RTN4RL1: variants seen among roughly 807,000 people sequenced by gnomAD.
RTN4RL1 encodes the protein reticulon-4 receptor-like 1.
RTN4RL1 carries 7 observed loss-of-function variants against 25.6 expected under a neutral mutation model. The observed-to-expected ratio is 0.27, with a 90% confidence interval of 0.16 to 0.51. The LOEUF is 0.51. RTN4RL1 is among the 20% of genes least tolerant of loss of function. The pLI is 0.97. For missense variants in RTN4RL1, 500 were observed against 615.6 expected (o/e 0.81, Z 1.99); for synonymous variants, 297 against 288.2 (o/e 1.03, Z -0.31).
chr17:1,982,144 T>C (rs1249117236), intron 1 of RTN4RL1, among the ~76,000 whole-genome samples: 2 of 148,086 alleles, frequency 1.4e-5, no homozygotes, highest in African/African-American at 2.5e-5. Flanking sequence ...TGCTAAAAAC[T>C]ACAAAAATTA....
chr17:1,997,387 T>C (rs538992567), intron 1 of RTN4RL1, among the ~76,000 whole-genome samples: 1 of 152,344 alleles, frequency 6.6e-6, no homozygotes, highest in African/African-American at 2.4e-5. Context: ...CCCGGCCAAG[T>C]ACAATATCAC....
Position 1,937,141 on chromosome 17 carries a change from G to C in RTN4RL1, c.681C>G (p.Phe227Leu). 6.2e-7 allele frequency: 1 copy of C among 1,611,572 alleles called. No homozygotes were observed. The highest frequency in any genetic ancestry group is 8.5e-7 in the Non-Finnish European group (1 of 1,179,302). The change falls in exon 2 of 2, where the codon TTC (phenylalanine) becomes TTG (leucine). Residue 227 changes from phenylalanine (F) to leucine (L), a missense_variant. Physicochemically the swap from Phe to Leu is conservative, Grantham distance 22. Coordinates refer to ENST00000331238, the MANE Select transcript of RTN4RL1 (RefSeq NM_178568.4). ...GCTCCGAGAGGCTGTTGTTGAAGAG[G>C]AAGAGGGTGGTCAGCCTGCGGAGGT... ...FHDLRRLTTL[F>L]LFNNSLSELQ...
chr17:2,008,566 T>C (rs532527877), intron 1 of RTN4RL1, among the ~76,000 whole-genome samples: 2 of 152,222 alleles, frequency 1.3e-5, no homozygotes, highest in South Asian at 4.1e-4. Context: ...AATCTGTGTT[T>C]GCTCCCTGGG....
chr17:1,995,696 C>T (rs536973863), intron 1 of RTN4RL1: 2 of 152,350 alleles, frequency 1.3e-5, no homozygotes, highest in East Asian at 3.9e-4. Context: ...CAAGATCTAC[C>T]ATCAAAGGTA....
Position 1,980,162 on chromosome 17 carries a change from C to G in RTN4RL1, c.14-42354G>C, listed in dbSNP as rs140638786. Reference sequence around the variant, plus strand: ...CACCAAAGCCTTGACCTCCCAGGCTCAGGTGATCCTCCCACCTCAGCCTCC... The same window carrying G: ...CACCAAAGCCTTGACCTCCCAGGCTGAGGTGATCCTCCCACCTCAGCCTCC... On this transcript the variant is annotated intron_variant, in intron 1 of 1. Coordinates refer to ENST00000331238, the MANE Select transcript of RTN4RL1 (RefSeq NM_178568.4). Among the ~76,000 whole-genome samples, 373 of 151,834 alleles carry G rather than the reference C, an allele frequency of 2.5e-3. 8 individuals are homozygous for G. The highest frequency in any genetic ancestry group is 8.7e-3 in the African/African-American group (359 of 41,238).
chr17:1,992,358 CAAAA>C (rs1021180493), intron 1 of RTN4RL1, among the ~76,000 whole-genome samples: 2 of 53,308 alleles, frequency 3.8e-5, no homozygotes, highest in Non-Finnish European at 8.1e-5. Context: ...GACTCTGTCT[CAAAA>C]AAAAAAAAAA....
chr17:1,986,713 T>C (rs1251865934), intron 1 of RTN4RL1, among the ~76,000 whole-genome samples: 1 of 151,562 alleles, frequency 6.6e-6, no homozygotes, highest in Non-Finnish European at 1.5e-5. Context: ...TAAATTTCTC[T>C]GGTTTTAAAC....
At chr17:1,940,530 C>T (rs894662609) in intron 1 of RTN4RL1, among the ~76,000 whole-genome samples, 53 of 152,296 alleles carry the variant, frequency 3.5e-4, no homozygotes, top group African/African-American at 1.3e-3. Context: ...CTGCCTGCCT[C>T]CATCTGCCCA....
At chr17:1,978,633 T>TGG (rs35569086) in intron 1 of RTN4RL1, among the ~76,000 whole-genome samples, 3,635 of 146,308 alleles carry the variant, frequency 0.025, 77 homozygotes, top group East Asian at 0.032. Context: ...ATCCGGAAAA[T>TGG]GGGGGGGGTG....
In RTN4RL1 at chr17:1,972,873, G is replaced by A. The variant is rs79580294; in HGVS notation, c.14-35065C>T. Among the ~76,000 whole-genome samples, 325 of 152,366 alleles carry A rather than the reference G, an allele frequency of 2.1e-3. 4 individuals are homozygous for A. Among genetic ancestry groups the A allele is most frequent in the African/African-American group, 6.3e-3 (261 of 41,580 alleles). ...CTAAATGAACCTCCAGAGGGGACCA[G>A]GCCAGAGAGAGCCTGGCTGGAGCTG... is the stretch of plus-strand genomic sequence containing the variant. On this transcript the variant is annotated intron_variant, in intron 1 of 1. Coordinates refer to ENST00000331238, the MANE Select transcript of RTN4RL1 (RefSeq NM_178568.4).
intron 1 of RTN4RL1, among the ~76,000 whole-genome samples, chr17:1,968,491 G>A (rs770200735): frequency 6.6e-6 from 1 of 152,136 alleles, no homozygotes; most frequent in South Asian, 2.1e-4. Flanking sequence ...ACTCAGCTCC[G>A]ATGGTGTCAC....
At chr17:1,955,100 A>T (rs1397809975) in intron 1 of RTN4RL1, among the ~76,000 whole-genome samples, 1 of 151,912 alleles carries the variant, frequency 6.6e-6, no homozygotes, top group Non-Finnish European at 1.5e-5. Context: ...TTCACTAGGG[A>T]CCTACCTCTC....
At chr17:2,000,556 G>A (rs564268403) in intron 1 of RTN4RL1, among the ~76,000 whole-genome samples, 9 of 151,754 alleles carry the variant, frequency 5.9e-5, no homozygotes, top group African/African-American at 1.9e-4. Flanking sequence ...ACTGATTTTC[G>A]CTTTTCTTGC....
chr17:1,937,117 C>T lies in RTN4RL1; in HGVS notation c.705G>A (p.Glu235=). The T allele has an allele frequency of 1.2e-6, 2 of 1,609,654 alleles. No individual in the cohort carries two copies. Among genetic ancestry groups the T allele is most frequent in the Non-Finnish European group, 1.7e-6 (2 of 1,178,584 alleles). Residue 235 remains glutamate, a synonymous_variant, in exon 2 of 2, where the codon GAG becomes GAA. Coordinates refer to ENST00000331238, the MANE Select transcript of RTN4RL1 (RefSeq NM_178568.4). The part of the protein sequence containing the change: ...TLFLFNNSLS[E]LQGECLAPLG... Reference sequence around the variant, plus strand: ...GCGGGGCCAGGCACTCACCCTGCAGCTCCGAGAGGCTGTTGTTGAAGAGGA... The same window carrying T: ...GCGGGGCCAGGCACTCACCCTGCAGTTCCGAGAGGCTGTTGTTGAAGAGGA...
chr17:1,961,773 C>CAAAAAAAA (rs1163170575), intron 1 of RTN4RL1, among the ~76,000 whole-genome samples: 7,272 of 55,128 alleles, frequency 0.13, 773 homozygotes, highest in Admixed American at 0.2. Flanking sequence ...ACTAAAAATA[C>CAAAAAAAA]AAAAAAAAAA....
At chr17:1,958,378 AC>A (rs1329076794) in intron 1 of RTN4RL1, among the ~76,000 whole-genome samples, 1 of 151,422 alleles carries the variant, frequency 6.6e-6, no homozygotes, top group African/African-American at 2.4e-5. Context: ...CCCCGTCCCC[AC>A]CTCCCATGAG....
intron 1 of RTN4RL1, among the ~76,000 whole-genome samples, chr17:1,939,146 A>G (rs899513036): frequency 1.6e-4 from 25 of 152,022 alleles, no homozygotes; most frequent in South Asian, 8.3e-4. Flanking sequence ...AGGTCAGGAG[A>G]TCGAGACCAT....
At chr17:2,014,687 C>A (rs2151327970) in intron 1 of RTN4RL1, among the ~76,000 whole-genome samples, 1 of 152,144 alleles carries the variant, frequency 6.6e-6, no homozygotes, top group East Asian at 1.9e-4. Context: ...CAAAAATTAG[C>A]CGGGTGTGGT....
In RTN4RL1 at chr17:1,986,748, T is replaced by TAA. The variant is rs56653579; in HGVS notation, c.13+38103_13+38104dup. 3.7e-3 allele frequency among the ~76,000 whole-genome samples: 540 copies of TAA among 147,350 alleles called. 4 individuals carry two copies. The highest frequency in any genetic ancestry group is 0.013 in the African/African-American group (517 of 39,912). On this transcript the variant is annotated intron_variant, in intron 1 of 1. Coordinates refer to ENST00000331238, the MANE Select transcript of RTN4RL1 (RefSeq NM_178568.4). ...CTAACGAGTTTGTTGTAATAGCCAT[T>TAA]AAAAAAAAAAAATTCATAGCCAGGA...
Sources: gnomAD v4.1 joint callset for allele counts (sites outside exome capture counted in the v4.1 genomes callset) on GRCh38, gnomAD v4.1.1 for gene constraint, MANE v1.5 for transcripts, NCBI Gene and HGNC (gene_info 2026-07-23, HGNC 2026-07-21) for gene names.